The following ISM1 variants were observed in gnomAD, a reference collection of about 807,000 sequenced individuals.
ISM1 encodes the protein isthmin 1, also known as isthmin-1.
A neutral mutation model predicts 46.3 loss-of-function variants in ISM1; 25 were observed. That is an observed-to-expected ratio of 0.54 (90% CI 0.39 to 0.75). The LOEUF is 0.75. ISM1 is among the 30% of genes least tolerant of loss of function. The probability of loss-of-function intolerance (pLI) is 0.00; values close to 1 mark genes in which losing one functional copy is unlikely to be tolerated. For missense variants in ISM1, 536 were observed against 625.4 expected (o/e 0.86, Z 1.52); for synonymous variants, 255 against 256.7 (o/e 0.99, Z 0.06).
chr20:13,251,693 T>C (rs2039869842), intron 1 of ISM1, among the ~76,000 whole-genome samples: 1 of 152,228 alleles, frequency 6.6e-6, no homozygotes, highest in Non-Finnish European at 1.5e-5. Flanking sequence ...ACAGACTCTA[T>C]CTTCTGACCT....
intron 1 of ISM1, among the ~76,000 whole-genome samples, chr20:13,255,946 G>T (rs1186486071): frequency 1.3e-5 from 2 of 151,488 alleles, no homozygotes; most frequent in Non-Finnish European, 2.9e-5. Context: ...TGGTGTGACT[G>T]CAGTTATAAA....
chr20:13,291,267 T>C (rs1216492237), intron 4 of ISM1, among the ~76,000 whole-genome samples: 4 of 152,232 alleles, frequency 2.6e-5, no homozygotes, highest in Non-Finnish European at 2.9e-5. Context: ...TCCTGGCTAT[T>C]GCAGCTTTTC....
intron 1 of ISM1, among the ~76,000 whole-genome samples, chr20:13,249,829 T>C (rs1009429236): frequency 1.5e-5 from 2 of 132,854 alleles, no homozygotes; most frequent in African/African-American, 3.0e-5. Context: ...TGTTTTGTTT[T>C]GTTTTGTTTC....
intron 5 of ISM1, among the ~76,000 whole-genome samples, chr20:13,296,757 C>T (rs2040410962): frequency 1.3e-5 from 2 of 152,182 alleles, no homozygotes; most frequent in South Asian, 4.1e-4. Context: ...TGGTGGCTTA[C>T]ACCTGTAATC....
At chr20:13,253,305 T>C (rs1013440644) in intron 1 of ISM1, among the ~76,000 whole-genome samples, 1 of 152,052 alleles carries the variant, frequency 6.6e-6, no homozygotes, top group Non-Finnish European at 1.5e-5. Flanking sequence ...AGCTCTGCCT[T>C]CCCTCACGGT....
intron 1 of ISM1, among the ~76,000 whole-genome samples, chr20:13,256,264 C>T (rs6074576): frequency 1.3e-5 from 2 of 151,874 alleles, no homozygotes; most frequent in Non-Finnish European, 2.9e-5. Flanking sequence ...GGCGTGGTGG[C>T]GGGTGCCTGT....
chr20:13,225,057 G>A (rs1157377950), intron 1 of ISM1, among the ~76,000 whole-genome samples: 1 of 148,642 alleles, frequency 6.7e-6, no homozygotes, highest in Non-Finnish European at 1.5e-5. Context: ...GTTTCACCGT[G>A]TTAGCCAGGA....
chr20:13,285,694 C>T (rs988016401), intron 3 of ISM1, among the ~76,000 whole-genome samples: 10 of 152,086 alleles, frequency 6.6e-5, no homozygotes, highest in African/African-American at 1.4e-4. Flanking sequence ...TAGCCAAGGG[C>T]GTGGATTTGG....
At chr20:13,284,026 C>A (rs1349450387) in intron 3 of ISM1, among the ~76,000 whole-genome samples, 1 of 152,232 alleles carries the variant, frequency 6.6e-6, no homozygotes, top group Non-Finnish European at 1.5e-5. Flanking sequence ...CCAAGCTTCA[C>A]CTGTGTGACC....
intron 2 of ISM1, among the ~76,000 whole-genome samples, chr20:13,272,592 G>C (rs1456423266): frequency 6.6e-6 from 1 of 152,178 alleles, no homozygotes; most frequent in Non-Finnish European, 1.5e-5. Context: ...TATTTTGGAG[G>C]TCACTCTTTG....
intron 5 of ISM1, among the ~76,000 whole-genome samples, chr20:13,294,177 A>G (rs2040384317): frequency 6.6e-6 from 1 of 152,132 alleles, no homozygotes; most frequent in Non-Finnish European, 1.5e-5. Context: ...ATTTTGCCAG[A>G]TTATATCTTA....
chr20:13,294,708 G>C (rs764879918), intron 5 of ISM1, among the ~76,000 whole-genome samples: 1 of 152,190 alleles, frequency 6.6e-6, no homozygotes, highest in Non-Finnish European at 1.5e-5. Context: ...TTCTCTCAAT[G>C]ACTACTCAGA....
intron 1 of ISM1, among the ~76,000 whole-genome samples, chr20:13,252,665 G>C (rs1351757801): frequency 6.6e-6 from 1 of 152,068 alleles, no homozygotes; most frequent in Non-Finnish European, 1.5e-5. Context: ...TGAGGCAGGA[G>C]AATCGCTTGA....
At chr20:13,311,232 A>AGATAGATAGATAGATAGATAGATAGAT in the ISM1 span, among the ~76,000 whole-genome samples, 43 of 115,570 alleles carry the variant, frequency 3.7e-4, no homozygotes, top group African/African-American at 1.3e-3. Context: ...ATAGATAGAT[A>AGATAGATAGATAGATAGATAGATAGAT]GATAGATAGA....
chr20:13,282,259 T>G (rs1371907422), intron 3 of ISM1, among the ~76,000 whole-genome samples: 1 of 152,212 alleles, frequency 6.6e-6, no homozygotes, highest in Non-Finnish European at 1.5e-5. Flanking sequence ...GACTTCATTG[T>G]TCAGCCCGGG....
chr20:13,321,781 T>C, the ISM1 span, among the ~76,000 whole-genome samples: 2 of 152,234 alleles, frequency 1.3e-5, no homozygotes, highest in African/African-American at 2.4e-5. Context: ...TCACATCTTT[T>C]CTTTTCATGT....
chr20:13,228,517 A>T lies in ISM1; in HGVS notation c.138+6603A>T, dbSNP rs559292496. ...ATACCATCTCATATTTCAGATGAGA[A>T]GTCTAATACCATTTCTTTGTAGGTG... On this transcript the variant is annotated intron_variant, in intron 1 of 5. Transcript: ENST00000262487. Among the ~76,000 whole-genome samples the T allele has an allele frequency of 2.0e-5, 3 of 152,298 alleles. No individual in the cohort carries two copies. The East Asian group carries it at 5.8e-4, about 29-fold the overall frequency.
chr20:13,272,871 G>C (rs572201795), intron 2 of ISM1, among the ~76,000 whole-genome samples: 4 of 152,304 alleles, frequency 2.6e-5, no homozygotes, highest in African/African-American at 9.6e-5. Flanking sequence ...GAATCAGGCA[G>C]TTCTCATCCC....
At chr20:13,321,347 T>C in the ISM1 span, among the ~76,000 whole-genome samples, 3 of 148,282 alleles carry the variant, frequency 2.0e-5, no homozygotes, top group Non-Finnish European at 4.4e-5. Context: ...CTAAACCACA[T>C]GAATACTGAT....
Sources: gnomAD v4.1 joint callset for allele counts (sites outside exome capture counted in the v4.1 genomes callset) on GRCh38, gnomAD v4.1.1 for gene constraint, MANE v1.5 for transcripts, NCBI Gene and HGNC (gene_info 2026-07-23, HGNC 2026-07-21) for gene names.